Variants in TUSC3 observed in about 807,000 individuals in gnomAD.
The protein encoded by TUSC3 is tumor suppressor candidate 3, also known as dolichyl-diphosphooligosaccharide--protein glycosyltransferase subunit TUSC3.
TUSC3 carries 45 observed loss-of-function variants against 44.8 expected under a neutral mutation model. The ratio of observed to expected loss-of-function variants is 1.00; its 90% confidence interval spans 0.79 to 1.29. The LOEUF (loss-of-function observed/expected upper bound fraction) is 1.29. Ranked by LOEUF, TUSC3 falls within the 50% of genes most tolerant of loss-of-function variation. TUSC3 has a pLI of 0.00. For synonymous variants in TUSC3, 212 were observed against 152.9 expected (o/e 1.39, Z -2.85); for missense variants, 519 against 437.9 (o/e 1.19, Z -1.65).
At chr8:15,836,249 G>T in the TUSC3 span, among the ~76,000 whole-genome samples, 1 of 151,774 alleles carries the variant, frequency 6.6e-6, no homozygotes, top group Non-Finnish European at 1.5e-5. Context: ...GCTAAGGTGG[G>T]TGGAATGCTT....
chr8:15,696,981 G>T (rs368432359), intron 6 of TUSC3, among the ~76,000 whole-genome samples: 80 of 152,112 alleles, frequency 5.3e-4, no homozygotes, highest in African/African-American at 1.9e-3. Flanking sequence ...CTTGTTATTG[G>T]TCTGCTCAGG....
At chr8:15,749,913 T>G (rs916394864) in intron 9 of TUSC3, among the ~76,000 whole-genome samples, 1 of 148,120 alleles carries the variant, frequency 6.8e-6, no homozygotes. Flanking sequence ...CTATAGCACT[T>G]ATAGTTTCAA....
At chr8:15,433,377 A>G (rs187717056) in intron 1 of TUSC3, among the ~76,000 whole-genome samples, 1 of 152,310 alleles carries the variant, frequency 6.6e-6, no homozygotes, top group East Asian at 1.9e-4. Flanking sequence ...TCTTAAAATA[A>G]TGTTTCAGAT....
intron 1 of TUSC3, among the ~76,000 whole-genome samples, chr8:15,430,348 C>G (rs1799856949): frequency 6.7e-6 from 1 of 149,980 alleles, no homozygotes; most frequent in Admixed American, 6.7e-5. Flanking sequence ...AAACGTAATC[C>G]AGCGTATAAA....
At chr8:15,707,367 G>T (rs1332076620) in intron 6 of TUSC3, among the ~76,000 whole-genome samples, 1 of 151,944 alleles carries the variant, frequency 6.6e-6, no homozygotes, top group Non-Finnish European at 1.5e-5. Flanking sequence ...TGTCTTTTCA[G>T]TGATTGAATA....
chr8:15,427,324 A>G (rs1315327423), intron 1 of TUSC3, among the ~76,000 whole-genome samples: 2 of 151,414 alleles, frequency 1.3e-5, no homozygotes, highest in African/African-American at 2.4e-5. Flanking sequence ...ACACACGCAC[A>G]CACCAGGAGT....
intron 4 of TUSC3, among the ~76,000 whole-genome samples, chr8:15,661,295 G>T (rs1042050951): frequency 2.0e-5 from 3 of 152,066 alleles, no homozygotes; most frequent in East Asian, 1.9e-4. Context: ...ACAAGATTTG[G>T]TCTAGAGTTA....
intron 1 of TUSC3, among the ~76,000 whole-genome samples, chr8:15,446,069 C>T (rs540461315): frequency 2.0e-5 from 3 of 150,972 alleles, no homozygotes; most frequent in South Asian, 2.1e-4. Context: ...GGGGCAGAGA[C>T]GCTCCTCACC....
chr8:15,715,964 C>G (rs997454102), intron 6 of TUSC3, among the ~76,000 whole-genome samples: 3 of 151,866 alleles, frequency 2.0e-5, no homozygotes, highest in African/African-American at 4.8e-5. Context: ...CTTACATATT[C>G]TAATGGAAGG....
intron 2 of TUSC3, among the ~76,000 whole-genome samples, chr8:15,503,361 C>T (rs936739226): frequency 1.3e-5 from 2 of 152,066 alleles, no homozygotes; most frequent in African/African-American, 2.4e-5. Flanking sequence ...CTTGTTTGAG[C>T]CACCCCGTCT....
intron 1 of TUSC3, among the ~76,000 whole-genome samples, chr8:15,444,240 C>T (rs923770080): frequency 6.6e-6 from 1 of 152,168 alleles, no homozygotes; most frequent in African/African-American, 2.4e-5. Context: ...AGCCTTCATG[C>T]TGTTAAAGAC....
At chr8:15,535,992 T>C (rs1009867964), upstream of TUSC3, among the ~76,000 whole-genome samples, 2 of 152,234 alleles carry the variant, frequency 1.3e-5, no homozygotes, top group Admixed American at 6.5e-5. Context: ...ATGAGTTTTT[T>C]TGCAACTTTT....
intron 1 of TUSC3, among the ~76,000 whole-genome samples, chr8:15,437,909 C>T (rs956435030): frequency 6.6e-6 from 1 of 152,126 alleles, no homozygotes; most frequent in East Asian, 1.9e-4. Context: ...AGGATAACTC[C>T]AACTTGAAAA....
intron 1 of TUSC3, among the ~76,000 whole-genome samples, chr8:15,418,192 G>A (rs2129114522): frequency 6.6e-6 from 1 of 152,244 alleles, no homozygotes; most frequent in Non-Finnish European, 1.5e-5. Context: ...AATGTGTTTG[G>A]GGCTTTTGTG....
intron 1 of TUSC3, among the ~76,000 whole-genome samples, chr8:15,454,625 G>C (rs963322590): frequency 6.6e-6 from 1 of 152,110 alleles, no homozygotes; most frequent in African/African-American, 2.4e-5. Context: ...CTATTTTATA[G>C]TTCCCCTTGA....
At chr8:15,454,304 C>G (rs976743363) in intron 1 of TUSC3, among the ~76,000 whole-genome samples, 3 of 152,164 alleles carry the variant, frequency 2.0e-5, no homozygotes, top group Admixed American at 6.5e-5. Flanking sequence ...AACTTTCACT[C>G]CTACTGTAAA....
intron 1 of TUSC3, among the ~76,000 whole-genome samples, chr8:15,478,111 C>T (rs1159334635): frequency 2.0e-5 from 3 of 151,984 alleles, no homozygotes; most frequent in Non-Finnish European, 2.9e-5. Context: ...CATGCACCAC[C>T]ATGCCCAGCT....
chr8:15,555,315 G>C (rs71524151), intron 1 of TUSC3, among the ~76,000 whole-genome samples: 2 of 49,936 alleles, frequency 4.0e-5, no homozygotes, highest in Non-Finnish European at 7.4e-5. Flanking sequence ...TTTTTTTAAA[G>C]ACATGGTCTT....
At chr8:15,805,599 G>A in the TUSC3 span, among the ~76,000 whole-genome samples, 1 of 152,050 alleles carries the variant, frequency 6.6e-6, no homozygotes, top group Admixed American at 6.6e-5. Flanking sequence ...CGTGATTTTT[G>A]TTTTCAGTTC....
Sources: gnomAD v4.1 joint callset for allele counts (sites outside exome capture counted in the v4.1 genomes callset) on GRCh38, gnomAD v4.1.1 for gene constraint, MANE v1.5 for transcripts, NCBI Gene and HGNC (gene_info 2026-07-23, HGNC 2026-07-21) for gene names.